The following DMRT3 variants were observed in gnomAD, a reference collection of about 807,000 sequenced individuals.
DMRT3 encodes the protein doublesex and mab-3 related transcription factor 3, also known as doublesex- and mab-3-related transcription factor 3.
Under a neutral mutation model 34.9 loss-of-function variants are expected in DMRT3, and 29 were observed. The observed-to-expected ratio is 0.83, with a 90% CI of 0.62 to 1.13. The LOEUF (loss-of-function observed/expected upper bound fraction) is 1.13, where lower values mean the gene tolerates loss of function less well. DMRT3 is among the 50% of genes most tolerant of loss of function. The probability of loss-of-function intolerance (pLI) is 0.00; values close to 1 mark genes in which losing one functional copy is unlikely to be tolerated. For missense variants in DMRT3, 772 were observed against 629.1 expected, an observed-to-expected ratio of 1.23 and a Z score of -2.43; for synonymous variants, 350 against 286.0, an observed-to-expected ratio of 1.22 and a Z score of -2.26.
chr9:986,051 G>A (rs1485445897), intron 1 of DMRT3, among the ~76,000 whole-genome samples: 4 of 152,156 alleles, frequency 2.6e-5, no homozygotes, highest in Admixed American at 2.6e-4. Flanking sequence ...TGGAGGATTC[G>A]GTGTAATCTA....
At chr9:988,756 A>G (rs1278972762) in intron 1 of DMRT3, among the ~76,000 whole-genome samples, 2 of 152,198 alleles carry the variant, frequency 1.3e-5, no homozygotes, top group Admixed American at 1.3e-4. Flanking sequence ...CAGAAAACAC[A>G]GGCAAAGCAA....
Position 990,286 on chromosome 9 carries a change from G to A in DMRT3, c.700G>A (p.Gly234Ser). The A allele has an allele frequency of 1.9e-6, 3 of 1,613,750 alleles. No individual in the cohort carries two copies. Among genetic ancestry groups the A allele is most frequent in the South Asian group, 2.2e-5 (2 of 91,040 alleles). Residue 234 changes from glycine (G) to serine (S), a missense_variant, in exon 2 of 2, where the codon GGC becomes AGC. Transcript: ENST00000190165. ...GGAGCAGAATCACCTCCTGATTGAG[G>A]GCCCCTCGGGGACTGTTTCTCTGCC... ...HAEQNHLLIE[G>S]PSGTVSLPFS...
rs1460840923 is a variant in DMRT3, at chr9:990,107, A to AC, written c.522dup (p.Thr175HisfsTer2). ...AATACAGAGGTCTTCAGTGACAAAG[A>AC]CACTGACCAGAGGAGTTCCCCAGAT... On this transcript the variant is annotated frameshift_variant, in exon 2 of 2. Coordinates refer to ENST00000190165, the MANE Select transcript of DMRT3 (RefSeq NM_021240.4). LOFTEE classifies it high-confidence loss of function. 2 of 1,614,104 alleles carry AC rather than the reference A, an allele frequency of 1.2e-6. No homozygotes were observed. The highest frequency in any genetic ancestry group is 2.2e-5 in the South Asian group (2 of 91,068).
chr9:978,775 G>T (rs574727822), intron 1 of DMRT3, among the ~76,000 whole-genome samples: 28 of 152,358 alleles, frequency 1.8e-4, no homozygotes, highest in South Asian at 4.1e-4. Flanking sequence ...TTTAAAGCCT[G>T]AAGAGAGTTT....
chr9:977,187 C>G lies in DMRT3; in HGVS notation c.186C>G (p.Ile62Met). The change falls in exon 1 of 2, where the codon ATC (isoleucine) becomes ATG (methionine). Residue 62 changes from isoleucine (I) to methionine (M), a missense_variant. Physicochemically the swap from Ile to Met is conservative, Grantham distance 10. Coordinates refer to ENST00000190165, the MANE Select transcript of DMRT3 (RefSeq NM_021240.4). ...DCTCEKCILI[I>M]ERQRVMAAQV... ...CCTGCGAGAAGTGCATCCTCATCATCGAGCGGCAGCGGGTCATGGCTGCGC... is the reference window on the plus strand; with the variant it reads ...CCTGCGAGAAGTGCATCCTCATCATGGAGCGGCAGCGGGTCATGGCTGCGC... 1 of 1,610,092 alleles carries G rather than the reference C, an allele frequency of 6.2e-7. No homozygotes were observed. The highest frequency in any genetic ancestry group is 8.5e-7 in the Non-Finnish European group (1 of 1,178,534).
intron 1 of DMRT3, chr9:989,735 A>C: frequency 4.5e-6 from 1 of 221,240 alleles, no homozygotes; most frequent in Non-Finnish European, 8.9e-6. Flanking sequence ...GAGGCTCTCT[A>C]TTGAGATTGT....
intron 1 of DMRT3, 178 bp from the exon 2 acceptor site, chr9:989,863 T>G (rs1820330413): frequency 1.4e-6 from 1 of 697,274 alleles, no homozygotes; most frequent in Non-Finnish European, 2.3e-6. Context: ...ATTTACAGGG[T>G]TTTTGTTTCA....
rs2130080333 is a variant in DMRT3, at chr9:991,605, T to C, written c.*600T>C. The C allele has an allele frequency of 6.5e-6, 1 of 152,930 alleles. No homozygotes were observed. Among genetic ancestry groups the C allele is most frequent in the Non-Finnish European group, 1.5e-5 (1 of 68,186 alleles). 9.5% of individuals were successfully genotyped at this position (152,930 alleles called of 1,614,324 possible). On this transcript the variant is annotated 3_prime_UTR_variant, in exon 2 of 2. Transcript: ENST00000190165. The stretch of plus-strand genomic sequence containing the variant: ...CATGGCTGAATCGAAACATGTGTAA[T>C]GTCAATGTAAAACCAATCACAGCTG...
At chr9:977,854 G>A (rs1820171645) in intron 1 of DMRT3, among the ~76,000 whole-genome samples, 2 of 151,984 alleles carry the variant, frequency 1.3e-5, no homozygotes, top group Non-Finnish European at 2.9e-5. Flanking sequence ...AGGCTTTAGA[G>A]GTCCTTGCCA....
chr9:981,284 C>T (rs1018158561), intron 1 of DMRT3, among the ~76,000 whole-genome samples: 2 of 151,484 alleles, frequency 1.3e-5, no homozygotes, highest in Non-Finnish European at 2.9e-5. Context: ...TTTTTTTTTC[C>T]CCCAAAGAGA....
At chr9:979,243 A>G (rs1820187422) in intron 1 of DMRT3, among the ~76,000 whole-genome samples, 1 of 152,110 alleles carries the variant, frequency 6.6e-6, no homozygotes, top group Non-Finnish European at 1.5e-5. Context: ...TAAAAACACA[A>G]CCCCAGGAGG....
At chr9:986,572 C>G (rs1475990706) in intron 1 of DMRT3, among the ~76,000 whole-genome samples, 1 of 152,114 alleles carries the variant, frequency 6.6e-6, no homozygotes, top group African/African-American at 2.4e-5. Context: ...AAACACAAAG[C>G]TATTTGGTTC....
In DMRT3 at chr9:990,440, T is replaced by G; in HGVS notation, c.854T>G (p.Leu285Arg). 6.2e-7 allele frequency: 1 copy of G among 1,614,136 alleles called. No individual in the cohort carries two copies. The highest frequency in any genetic ancestry group is 8.5e-7 in the Non-Finnish European group (1 of 1,180,024). ...GGDLVSAVEV[L>R]LSSRSSVTGA... ...GACCTGGTGAGCGCCGTGGAAGTCC[T>G]TCTGTCCAGCCGATCCTCAGTCACG... The change falls in exon 2 of 2, where the codon CTT becomes CGT. Residue 285 changes from leucine (L) to arginine (R), a missense_variant. Transcript: ENST00000190165.
In DMRT3 at chr9:990,247, C is replaced by T. The variant is rs1207645608; in HGVS notation, c.661C>T (p.Pro221Ser). 1 of 1,613,976 alleles carries T rather than the reference C, an allele frequency of 6.2e-7. No homozygotes were observed. The highest frequency in any genetic ancestry group is 1.1e-5 in the South Asian group (1 of 91,040). Residue 221 changes from proline to serine, a missense_variant, in exon 2 of 2, where the codon CCC (proline) becomes TCC (serine). Pro to Ser is a moderately conservative substitution (Grantham distance 74, BLOSUM62 -1). Coordinates refer to ENST00000190165, the MANE Select transcript of DMRT3 (RefSeq NM_021240.4). ...CAACCCCGAGAGCCGCCCTGACAGCCCCAAGTGTCACGCGGAGCAGAATCA... is the reference window on the plus strand; with the variant it reads ...CAACCCCGAGAGCCGCCCTGACAGCTCCAAGTGTCACGCGGAGCAGAATCA... ...GGNPESRPDSPKCHAEQNHLL... is the reference protein window; with the variant it reads ...GGNPESRPDSSKCHAEQNHLL...
intron 1 of DMRT3, among the ~76,000 whole-genome samples, chr9:983,048 C>T (rs796622220): frequency 7.9e-5 from 12 of 152,170 alleles, no homozygotes; most frequent in African/African-American, 2.9e-4. Flanking sequence ...TCCCACATCG[C>T]CTTAGTGAGT....
In DMRT3 at chr9:977,376, C is replaced by A. The variant is rs775570635; in HGVS notation, c.375C>A (p.Ala125=). Residue 125 remains alanine, a synonymous_variant, in exon 1 of 2, where the codon GCC becomes GCA. Coordinates refer to ENST00000190165, the MANE Select transcript of DMRT3 (RefSeq NM_021240.4). ...AGCCGCAGCCGCCGCGCCCTGCTGCCGAGTTGGCCGCGGCCGCCGCGCTGC... is the reference window on the plus strand; with the variant it reads ...AGCCGCAGCCGCCGCGCCCTGCTGCAGAGTTGGCCGCGGCCGCCGCGCTGC... ...PSQPQPPRPA[A]ELAAAAALRW... is the part of the protein sequence containing the mutation. The A allele has an allele frequency of 1.2e-4, 145 of 1,229,126 alleles. No individual in the cohort carries two copies. Among genetic ancestry groups the A allele is most frequent in the Non-Finnish European group, 1.4e-4 (143 of 987,294 alleles). 76.1% of individuals were successfully genotyped at this position (1,229,126 alleles called of 1,614,324 possible).
rs1820365921 is a variant in DMRT3 at position 991,725 on chromosome 9, GAGAC to G, written c.*721_*724del. The G allele has an allele frequency of 6.6e-6, 1 of 152,496 alleles. No individual in the cohort carries two copies. Among genetic ancestry groups the G allele is most frequent in the East Asian group, 1.9e-4 (1 of 5,198 alleles). 9.4% of individuals were successfully genotyped at this position (152,496 alleles called of 1,614,324 possible). On this transcript the variant is annotated 3_prime_UTR_variant, in exon 2 of 2. Coordinates refer to ENST00000190165, the MANE Select transcript of DMRT3 (RefSeq NM_021240.4). The stretch of plus-strand genomic sequence containing the variant: ...GGACTCTAGAAAAAAATAAACTAAG[GAGAC>G]GAGCGTGGTTTATGTCATTTCTACT...
At chr9:983,036 C>T (rs940211889) in intron 1 of DMRT3, among the ~76,000 whole-genome samples, 2 of 152,182 alleles carry the variant, frequency 1.3e-5, no homozygotes, top group East Asian at 3.8e-4. Flanking sequence ...GTGTCAGTTA[C>T]GTCCCACATC....
In DMRT3 at chr9:977,381, TGGCCGC is replaced by T. The variant is rs1185378086; in HGVS notation, c.387_392del (p.Ala131_Ala132del). Reference sequence around the variant, plus strand: ...CAGCCGCCGCGCCCTGCTGCCGAGTTGGCCGCGGCCGCCGCGCTGCGTTGGACTGCC... The same window carrying T: ...CAGCCGCCGCGCCCTGCTGCCGAGTTGGCCGCCGCGCTGCGTTGGACTGCC... On this transcript the variant is annotated inframe_deletion, in exon 1 of 2. Transcript: ENST00000190165. 4.1e-6 allele frequency: 5 copies of T among 1,230,904 alleles called. No homozygotes were observed. In the East Asian group the frequency reaches 1.3e-4, roughly 31 times the overall value. 76.2% of individuals were successfully genotyped at this position (1,230,904 alleles called of 1,614,324 possible). A position where few individuals can be genotyped will look rare whatever the true frequency, so the allele number is the denominator to read the frequency against.
Sources: allele counts gnomAD v4.1 joint callset (sites outside exome capture counted in the v4.1 genomes callset), GRCh38; gene constraint gnomAD v4.1.1; transcripts MANE v1.5; gene names NCBI Gene and HGNC (gene_info 2026-07-23, HGNC 2026-07-21).